ZFHX3: variants seen among roughly 807,000 people sequenced by gnomAD.
The protein encoded by ZFHX3 is zinc finger homeobox protein 3.
A neutral mutation model predicts 279.1 loss-of-function variants in ZFHX3; 42 were observed. The ratio of observed to expected loss-of-function variants is 0.15; its 90% confidence interval spans 0.12 to 0.19. The LOEUF (loss-of-function observed/expected upper bound fraction) is 0.19. ZFHX3 is among the 10% of genes least tolerant of loss of function. The pLI is 1.00. For synonymous variants in ZFHX3, 2,293 were observed against 1,957.8 expected, an observed-to-expected ratio of 1.17 and a Z score of -4.52; for missense variants, 4,981 against 4,754.0, an observed-to-expected ratio of 1.05 and a Z score of -1.40.
At chr16:73,117,673 C>A (rs938703546) in intron 7 of ZFHX3, among the ~76,000 whole-genome samples, 5 of 152,188 alleles carry the variant, frequency 3.3e-5, no homozygotes, top group Admixed American at 3.3e-4. Context: ...GCTATAGACC[C>A]AATGTGTCCC....
rs377440241 is a variant in ZFHX3 at position 73,712,132 on chromosome 16, AC to A, written c.-1607-31893del. Among the ~76,000 whole-genome samples the A allele has an allele frequency of 3.2e-3, 490 of 150,910 alleles. 3 individuals carry two copies. The highest frequency in any genetic ancestry group is 0.012 in the African/African-American group (472 of 40,998). On this transcript the variant is annotated intron_variant, in intron 1 of 17. Coordinates refer to the ZFHX3 transcript ENST00000641206. ...GAGGTCTGGTCCTGAGCCTAAGAAAACCCCCGGTTCATCATGGGCCTTATTT... is the reference window on the plus strand; with the variant it reads ...GAGGTCTGGTCCTGAGCCTAAGAAAACCCCGGTTCATCATGGGCCTTATTT...
chr16:73,462,961 T>C (rs1567491572), intron 2 of ZFHX3, among the ~76,000 whole-genome samples: 1 of 152,222 alleles, frequency 6.6e-6, no homozygotes. Context: ...TTCTGGATGA[T>C]ATTGAAATTG....
At chr16:73,637,479 C>A (rs1209087337) in intron 2 of ZFHX3, among the ~76,000 whole-genome samples, 3 of 151,762 alleles carry the variant, frequency 2.0e-5, no homozygotes, top group East Asian at 3.9e-4. Flanking sequence ...GTGATCCACC[C>A]ACCTCAGCCT....
intron 7 of ZFHX3, among the ~76,000 whole-genome samples, chr16:73,105,304 C>CAT (rs565091539): frequency 6.9e-6 from 1 of 145,878 alleles, no homozygotes; most frequent in African/African-American, 2.6e-5. Flanking sequence ...CATATATATA[C>CAT]ATATATATAC....
At chr16:73,425,781 G>A (rs2017799663) in intron 3 of ZFHX3, among the ~76,000 whole-genome samples, 1 of 152,084 alleles carries the variant, frequency 6.6e-6, no homozygotes, top group South Asian at 2.1e-4. Context: ...ACAGATATCA[G>A]CTATATCCTT....
chr16:73,427,111 A>G (rs2017823725), intron 3 of ZFHX3, among the ~76,000 whole-genome samples: 1 of 147,216 alleles, frequency 6.8e-6, no homozygotes, highest in Non-Finnish European at 1.5e-5. Context: ...GCAAAAAAAG[A>G]GGAGAAGAAG....
At chr16:72,951,138 C>G (rs1292558253) in intron 2 of ZFHX3, among the ~76,000 whole-genome samples, 173 bp from the exon 3 acceptor site, 1 of 152,228 alleles carries the variant, frequency 6.6e-6, no homozygotes, top group East Asian at 1.9e-4. Flanking sequence ...CAAACACAGT[C>G]AACCTGATGT....
At chr16:73,265,136 T>C (rs1311093164) in intron 4 of ZFHX3, among the ~76,000 whole-genome samples, 1 of 151,944 alleles carries the variant, frequency 6.6e-6, no homozygotes, top group Non-Finnish European at 1.5e-5. Context: ...TACTTGTTGA[T>C]TAATGGGCAT....
chr16:73,501,454 C>T (rs1388654808), intron 2 of ZFHX3, among the ~76,000 whole-genome samples: 2 of 152,192 alleles, frequency 1.3e-5, no homozygotes, highest in African/African-American at 4.8e-5. Context: ...TACAGGCTCT[C>T]CCTTATTCTG....
intron 4 of ZFHX3, among the ~76,000 whole-genome samples, chr16:72,839,770 C>T (rs1056481557): frequency 7.3e-5 from 11 of 151,422 alleles, no homozygotes; most frequent in African/African-American, 2.2e-4. Context: ...GGGTTCATGA[C>T]AATGTGGGGG....
At chr16:73,356,353 T>C (rs1234617526) in intron 3 of ZFHX3, among the ~76,000 whole-genome samples, 1 of 152,124 alleles carries the variant, frequency 6.6e-6, no homozygotes, top group Non-Finnish European at 1.5e-5. Context: ...CACGGGTCAC[T>C]CTGGGGTTTT....
chr16:73,446,681 G>T (rs1168719809), intron 3 of ZFHX3, among the ~76,000 whole-genome samples: 1 of 152,120 alleles, frequency 6.6e-6, no homozygotes. Context: ...GGAGCTAAAT[G>T]ATGAGAACTC....
At chr16:73,248,774 C>CACATGA (rs2013389215) in intron 5 of ZFHX3, among the ~76,000 whole-genome samples, 1 of 151,936 alleles carries the variant, frequency 6.6e-6, no homozygotes, top group Non-Finnish European at 1.5e-5. Flanking sequence ...ACATGAGTAA[C>CACATGA]GTCAAAGAAG....
At chr16:73,173,008 G>GTTTTTTTTTTTTTTTTT (rs869289153) in intron 5 of ZFHX3, among the ~76,000 whole-genome samples, 1 of 49,942 alleles carries the variant, frequency 2.0e-5, no homozygotes, top group Non-Finnish European at 3.2e-5. Context: ...TTTTTTTTTT[G>GTTTTTTTTTTTTTTTTT]TTTTTTTTTT....
At chr16:73,287,452 G>A (rs551303695) in intron 4 of ZFHX3, among the ~76,000 whole-genome samples, 1 of 147,612 alleles carries the variant, frequency 6.8e-6, no homozygotes, top group East Asian at 2.1e-4. Flanking sequence ...TGGGTGGTGG[G>A]TGTGTGGCTG....
intron 7 of ZFHX3, chr16:73,127,074 G>A (rs973942575): frequency 8.0e-6 from 2 of 250,536 alleles, no homozygotes; most frequent in African/African-American, 2.3e-5. Flanking sequence ...TCTAAGAGAC[G>A]GGGTGCAGGG....
chr16:73,456,576 C>A (rs2018375879), intron 2 of ZFHX3, among the ~76,000 whole-genome samples: 1 of 152,208 alleles, frequency 6.6e-6, no homozygotes, highest in African/African-American at 2.4e-5. Context: ...TTCTGATAGG[C>A]AAGACCACAG....
chr16:73,501,861 G>A (rs1055582861), intron 2 of ZFHX3, among the ~76,000 whole-genome samples: 9 of 152,128 alleles, frequency 5.9e-5, no homozygotes, highest in African/African-American at 1.9e-4. Context: ...CCAACGTCTC[G>A]TCTGTAAGGG....
intron 5 of ZFHX3, among the ~76,000 whole-genome samples, chr16:73,187,731 C>T (rs895452857): frequency 3.3e-5 from 5 of 152,212 alleles, no homozygotes; most frequent in African/African-American, 9.6e-5. Flanking sequence ...GCTTTGTTCA[C>T]GTGAAGTGGT....
Sources: gnomAD v4.1 joint callset for allele counts (sites outside exome capture counted in the v4.1 genomes callset) on GRCh38, gnomAD v4.1.1 for gene constraint, MANE v1.5 for transcripts, NCBI Gene and HGNC (gene_info 2026-07-23, HGNC 2026-07-21) for gene names.